The following XKRX variants were observed in gnomAD, a reference collection of about 807,000 sequenced individuals.
The protein encoded by XKRX is XK-related protein 2.
In XKRX, 11 loss-of-function variants were observed where a neutral mutation model predicts 22.4. The ratio of observed to expected loss-of-function variants is 0.49; its 90% CI spans 0.31 to 0.81. The LOEUF (loss-of-function observed/expected upper bound fraction) is 0.81, where lower values mean the gene tolerates loss of function less well. Ranked by LOEUF, XKRX falls within the 40% of genes least tolerant of loss-of-function variation. The probability of loss-of-function intolerance (pLI) is 0.05; values close to 1 mark genes in which losing one functional copy is unlikely to be tolerated. For synonymous variants in XKRX, 114 were observed against 132.2 expected, an observed-to-expected ratio of 0.86 and a Z score of 0.94; for missense variants, 320 against 336.5, an observed-to-expected ratio of 0.95 and a Z score of 0.38.
At chrX:100,959,046 T>G in the XKRX span, among the ~76,000 whole-genome samples, 3,499 of 111,879 alleles carry the variant, frequency 0.031, 41 homozygotes, top group South Asian at 0.07. Flanking sequence ...AAATATTCTC[T>G]GCAAAATCAG....
chrX:100,911,168 T>C, downstream of XKRX: 1 of 598,754 alleles, frequency 1.7e-6, no homozygotes, highest in Non-Finnish European at 3.0e-6. Flanking sequence ...TACTAAAGTC[T>C]GCTTTGTTGG....
chrX:100,956,311 C>T, the XKRX span, among the ~76,000 whole-genome samples: 3 of 111,465 alleles, frequency 2.7e-5, no homozygotes, highest in African/African-American at 9.8e-5. Flanking sequence ...CACATGTTTA[C>T]CTATATAACA....
chrX:100,890,823 T>C, the XKRX span, among the ~76,000 whole-genome samples: 1 of 111,090 alleles, frequency 9.0e-6, no homozygotes, highest in African/African-American at 3.3e-5. Flanking sequence ...CATGCAAGCA[T>C]GTACCTTCAT....
At chrX:100,957,634 A>C in the XKRX span, 1 of 481,941 alleles carries the variant, frequency 2.1e-6, no homozygotes, top group East Asian at 3.6e-5. Context: ...TTTGGAGAAG[A>C]CATGTTTATT....
the XKRX span, among the ~76,000 whole-genome samples, chrX:100,947,230 C>G: frequency 8.9e-6 from 1 of 111,810 alleles, no homozygotes; most frequent in African/African-American, 3.3e-5. Context: ...CTTTCATTTC[C>G]TCTGTGCATA....
At chrX:100,927,738 G>T (rs1204415) in intron 1 of XKRX, among the ~76,000 whole-genome samples, 1 of 111,210 alleles carries the variant, frequency 9.0e-6, no homozygotes, top group Admixed American at 9.6e-5. Flanking sequence ...GTTTACACAG[G>T]CCAAATAGCA....
chrX:100,958,775 G>A, the XKRX span, among the ~76,000 whole-genome samples: 1 of 111,759 alleles, frequency 8.9e-6, no homozygotes, highest in African/African-American at 3.2e-5. Context: ...GTTACCATCA[G>A]GTCAATTCCT....
At chrX:100,944,774 A>C in the XKRX span, among the ~76,000 whole-genome samples, 18 of 112,017 alleles carry the variant, frequency 1.6e-4, no homozygotes, top group African/African-American at 5.2e-4. Flanking sequence ...CCAACCACAA[A>C]AAATTCCTGG....
intron 2 of XKRX, among the ~76,000 whole-genome samples, chrX:100,921,824 C>CT (rs769704465): frequency 0.048 from 2,709 of 56,185 alleles, 604 homozygotes; most frequent in African/African-American, 0.093. Context: ...TAACCCCACG[C>CT]TTTTTTTTTT....
chrX:100,911,585 T>C, downstream of XKRX: 1 of 486,616 alleles, frequency 2.1e-6, no homozygotes, highest in South Asian at 3.1e-5. Context: ...CAGCCTTATA[T>C]GTCTGCAATC....
At chrX:100,936,592 G>C in the XKRX span, among the ~76,000 whole-genome samples, 62 of 73,796 alleles carry the variant, frequency 8.4e-4, no homozygotes, top group Non-Finnish European at 2.3e-4. Flanking sequence ...AAAAGAAAAA[G>C]AAGAAAGGAA....
At chrX:100,904,176 C>T in the XKRX span, among the ~76,000 whole-genome samples, 1 of 111,715 alleles carries the variant, frequency 9.0e-6, no homozygotes, top group African/African-American at 3.3e-5. Context: ...GAAATAGACT[C>T]ACATAAATAG....
At chrX:100,920,574 A>G (rs1442044329) in intron 2 of XKRX, among the ~76,000 whole-genome samples, 1 of 111,419 alleles carries the variant, frequency 9.0e-6, no homozygotes, top group Non-Finnish European at 1.9e-5. Context: ...AAAAAAAGAT[A>G]AAGACCAAAA....
the XKRX span, among the ~76,000 whole-genome samples, chrX:100,943,646 C>T: frequency 4.5e-5 from 5 of 112,048 alleles, 1 homozygote; most frequent in Non-Finnish European, 9.4e-5. Context: ...TCAGGTGATC[C>T]GCCCGCCTTG....
chrX:100,944,585 A>T, the XKRX span, among the ~76,000 whole-genome samples: 1 of 111,216 alleles, frequency 9.0e-6, no homozygotes, highest in Non-Finnish European at 1.9e-5. Context: ...CTGTTCTCGA[A>T]CTCCTGACCT....
downstream of XKRX, among the ~76,000 whole-genome samples, chrX:100,909,313 T>C (rs903342475): frequency 3.5e-4 from 39 of 112,187 alleles, no homozygotes; most frequent in African/African-American, 1.1e-3. Context: ...TGGTGCCTCC[T>C]GATAAGGAGT....
chrX:100,923,029 A>G lies in XKRX; in HGVS notation c.368T>C (p.Leu123Pro). Reference protein sequence around the residue: ...CLEAMIKYLTLWKKEEQEEPY... With the variant: ...CLEAMIKYLTPWKKEEQEEPY... Reference sequence around the variant, plus strand: ...CTCCTCCTGCTCCTCTTTCTTCCACAGTGTGAGGTACTTAATCATGGCCTC... The same window carrying G: ...CTCCTCCTGCTCCTCTTTCTTCCACGGTGTGAGGTACTTAATCATGGCCTC... Residue 123 changes from leucine to proline, a missense_variant, in exon 2 of 3, where the codon CTG becomes CCG. Transcript: ENST00000372956. 1.7e-6 allele frequency: 2 copies of G among 1,211,776 alleles called. No homozygotes were observed. The highest frequency in any genetic ancestry group is 2.2e-6 in the Non-Finnish European group (2 of 895,496).
chrX:100,918,735 G>C (rs1421702318), intron 2 of XKRX, among the ~76,000 whole-genome samples: 1 of 111,588 alleles, frequency 9.0e-6, no homozygotes, highest in African/African-American at 3.3e-5. Context: ...TTAGAGAAAT[G>C]CCTAGAACCT....
chrX:100,899,466 G>T, the XKRX span, among the ~76,000 whole-genome samples: 8 of 112,764 alleles, frequency 7.1e-5, no homozygotes, highest in Admixed American at 3.7e-4. Context: ...AGTGAGCCGA[G>T]ATCATGCCAC....
Sources: allele counts gnomAD v4.1 joint callset (sites outside exome capture counted in the v4.1 genomes callset), GRCh38; gene constraint gnomAD v4.1.1; transcripts MANE v1.5; gene names NCBI Gene and HGNC (gene_info 2026-07-23, HGNC 2026-07-21).